DNAH8: variants seen among roughly 807,000 people sequenced by gnomAD.
DNAH8 encodes the protein axonemal beta dynein heavy chain 8.
A neutral mutation model predicts 562.1 loss-of-function variants in DNAH8; 382 were observed. That is an observed-to-expected ratio of 0.68 (90% CI 0.63 to 0.74). DNAH8 has a LOEUF of 0.74. Among genes scored for constraint, DNAH8 ranks in the 30% least tolerant of loss-of-function variants. The pLI is 0.00. For synonymous variants in DNAH8, 1,881 were observed against 1,919.4 expected (o/e 0.98, Z 0.52); for missense variants, 5,203 against 5,620.4 (o/e 0.93, Z 2.37).
chr6:38,873,262 G>A lies in DNAH8; in HGVS notation c.7506G>A (p.Gln2502=), dbSNP rs761264123. ...CATGGTTGAAGAAACGCACTGCACA[G>A]GAAGCTGCTGTATTCCTGACACTGT... ...LQAWLKKRTA[Q]EAAVFLTLYE... The change falls in exon 52 of 93, where the codon CAG becomes CAA. Residue 2502 remains glutamine (Q), a synonymous_variant. Coordinates refer to ENST00000327475, the MANE Select transcript of DNAH8 (RefSeq NM_001206927.2). 2 of 1,613,530 alleles carry A rather than the reference G, an allele frequency of 1.2e-6. No individual in the cohort carries two copies. The highest frequency in any genetic ancestry group is 1.1e-5 in the South Asian group (1 of 90,864).
chr6:38,877,138 T>C (rs1490345176), intron 53 of DNAH8, among the ~76,000 whole-genome samples: 1 of 152,186 alleles, frequency 6.6e-6, no homozygotes, highest in Admixed American at 6.5e-5. Context: ...TCAGATTGCC[T>C]CCCTCTGAGT....
intron 59 of DNAH8, among the ~76,000 whole-genome samples, chr6:38,895,419 G>A (rs527280635): frequency 3.9e-5 from 6 of 152,216 alleles, no homozygotes; most frequent in East Asian, 3.9e-4. Context: ...GATCATCAGA[G>A]GTGATAACAT....
intron 82 of DNAH8, among the ~76,000 whole-genome samples, chr6:38,960,045 G>A (rs1035612139): frequency 6.6e-6 from 1 of 152,024 alleles, no homozygotes; most frequent in African/African-American, 2.4e-5. Context: ...AATGGTGTTG[G>A]GAAAACTGGG....
intron 77 of DNAH8, among the ~76,000 whole-genome samples, 193 bp from the exon 78 acceptor site, chr6:38,937,781 A>G (rs1005069371): frequency 1.3e-5 from 2 of 152,150 alleles, no homozygotes; most frequent in African/African-American, 4.8e-5. Context: ...AATGTTCAGA[A>G]GGCTTCAGGT....
intron 26 of DNAH8, among the ~76,000 whole-genome samples, chr6:38,819,177 T>G (rs978956028): frequency 1.8e-4 from 27 of 152,216 alleles, no homozygotes. Flanking sequence ...ACATGAACAA[T>G]TAATGTTCTT....
chr6:38,773,070 G>C (rs7760621), intron 12 of DNAH8, among the ~76,000 whole-genome samples: 22,481 of 141,690 alleles, frequency 0.16, 1,997 homozygotes, highest in Middle Eastern at 0.21. Context: ...TCCTTCCTCA[G>C]CCTCCCAAAG....
At chr6:38,901,895 G>A (rs1009443416) in intron 62 of DNAH8, among the ~76,000 whole-genome samples, 10 of 152,140 alleles carry the variant, frequency 6.6e-5, no homozygotes, top group Non-Finnish European at 1.3e-4. Context: ...TTAGAAAAGC[G>A]TATTTCTGAC....
At chr6:38,853,569 A>G (rs886241605) in intron 41 of DNAH8, among the ~76,000 whole-genome samples, 3 of 151,980 alleles carry the variant, frequency 2.0e-5, no homozygotes, top group Admixed American at 1.3e-4. Flanking sequence ...ATATGCCACT[A>G]TTTTCCCATC....
At chr6:38,789,988 A>G (rs964793431) in intron 19 of DNAH8, 105 bp downstream of exon 19, 9 of 805,250 alleles carry the variant, frequency 1.1e-5, no homozygotes, top group Non-Finnish European at 1.8e-5. Flanking sequence ...TAGACCCTCC[A>G]TCTTTCTAGT....
Position 38,804,759 on chromosome 6 carries a change from AAGAG to A in DNAH8, c.3035-694_3035-691del, listed in dbSNP as rs137967997. On this transcript the variant is annotated intron_variant, in intron 22 of 92. Transcript: ENST00000327475. Reference sequence around the variant, plus strand: ...GATCCCATGAAAGTGACATAGCAAGAAGAGAGAGAGAGAGAGAGAGAGAGAGAGA... The same window carrying A: ...GATCCCATGAAAGTGACATAGCAAGAAGAGAGAGAGAGAGAGAGAGAGAGA... Among the ~76,000 whole-genome samples, 695 of 111,046 alleles carry A rather than the reference AAGAG, an allele frequency of 6.3e-3. 8 individuals are homozygous for A. Among genetic ancestry groups the A allele is most frequent in the African/African-American group, 0.017 (551 of 32,296 alleles). The allele number at this position is 111,046 out of a possible 152,430, so 72.9% of individuals were successfully genotyped here. A position where few individuals can be genotyped will look rare whatever the true frequency, so the allele number is the denominator to read the frequency against.
At chr6:38,855,082 C>T (rs980272917) in intron 41 of DNAH8, among the ~76,000 whole-genome samples, 1 of 150,172 alleles carries the variant, frequency 6.7e-6, no homozygotes, top group African/African-American at 2.4e-5. Flanking sequence ...CATGTATACA[C>T]ATATATTAAA....
At chr6:38,872,013 G>A (rs569452278) in intron 49 of DNAH8, among the ~76,000 whole-genome samples, 2 of 152,242 alleles carry the variant, frequency 1.3e-5, no homozygotes, top group South Asian at 2.1e-4. Context: ...TCCCATTCCT[G>A]TCCTGCTTTC....
chr6:38,932,312 C>A lies in DNAH8; in HGVS notation c.11457+319C>A, dbSNP rs1204579019. 2.6e-5 allele frequency among the ~76,000 whole-genome samples: 4 copies of A among 151,704 alleles called. No individual in the cohort carries two copies. The East Asian group carries it at 7.7e-4, about 29-fold the overall frequency. On this transcript the variant is annotated intron_variant, in intron 76 of 92. Coordinates refer to ENST00000327475, the MANE Select transcript of DNAH8 (RefSeq NM_001206927.2). The stretch of plus-strand genomic sequence containing the variant: ...GGGACACCTGAAAACATCAATAAAA[C>A]AATGATTGAGAGAAAAAGAAATTCC...
At chr6:38,780,622 T>C (rs1200991585) in intron 15 of DNAH8, among the ~76,000 whole-genome samples, 1 of 152,068 alleles carries the variant, frequency 6.6e-6, no homozygotes, top group Non-Finnish European at 1.5e-5. Context: ...TTCTCACTTA[T>C]AAGTGGGAGC....
chr6:38,959,221 A>G (rs892675255), intron 82 of DNAH8, among the ~76,000 whole-genome samples: 2 of 152,212 alleles, frequency 1.3e-5, no homozygotes, highest in African/African-American at 4.8e-5. Flanking sequence ...TAGGAACACA[A>G]CAATGATGCC....
chr6:38,931,868 A>G lies in DNAH8; in HGVS notation c.11332A>G (p.Thr3778Ala), dbSNP rs979808022. The G allele has an allele frequency of 3.1e-6, 5 of 1,610,818 alleles. No individual in the cohort carries two copies. The highest frequency in any genetic ancestry group is 2.2e-5 in the East Asian group (1 of 44,660). The change falls in exon 76 of 93, where the codon ACG (threonine) becomes GCG (alanine). Residue 3778 changes from threonine to alanine, a missense_variant. Thr to Ala is a moderately conservative substitution (Grantham distance 58, BLOSUM62 0). This residue lies in a region of DNAH8 where 1,399 missense variants were observed against 1,518.4 expected (regional missense o/e 0.92). Coordinates refer to ENST00000327475, the MANE Select transcript of DNAH8 (RefSeq NM_001206927.2). The part of the protein sequence containing the change: ...IMDTFKLYIT[T>A]KLPNPAFTPE... ...GGATACATTTAAACTTTACATTACT[A>G]CGAAGTTACCAAATCCTGCCTTTAC...
intron 41 of DNAH8, among the ~76,000 whole-genome samples, chr6:38,854,278 A>G (rs1310049584): frequency 6.6e-6 from 1 of 152,170 alleles, no homozygotes; most frequent in Non-Finnish European, 1.5e-5. Flanking sequence ...GTTTCATTAC[A>G]CTTTCATTCA....
At chr6:38,788,440 G>A (rs1376994637) in intron 18 of DNAH8, among the ~76,000 whole-genome samples, 3 of 152,190 alleles carry the variant, frequency 2.0e-5, no homozygotes, top group African/African-American at 4.8e-5. Context: ...CTGAGCCACT[G>A]CGCCCGGCCT....
At chr6:39,016,948 T>C (rs888478903) in intron 91 of DNAH8, among the ~76,000 whole-genome samples, 1 of 152,222 alleles carries the variant, frequency 6.6e-6, no homozygotes, top group Non-Finnish European at 1.5e-5. Flanking sequence ...TTGAAGAGGC[T>C]GAGTCAGCCA....
Sources: allele counts gnomAD v4.1 joint callset (sites outside exome capture counted in the v4.1 genomes callset), GRCh38; gene constraint gnomAD v4.1.1; regional missense constraint gnomAD v4.1.1; transcripts MANE v1.5; gene names NCBI Gene and HGNC (gene_info 2026-07-23, HGNC 2026-07-21).